Variants in ITPRIPL2 observed in about 807,000 individuals in gnomAD.
The protein encoded by ITPRIPL2 is inositol 1,4,5-trisphosphate receptor-interacting protein-like 2.
Under a neutral mutation model 31.7 loss-of-function variants are expected in ITPRIPL2, and 29 were observed. The ratio of observed to expected loss-of-function variants is 0.91; its 90% CI spans 0.68 to 1.25. The LOEUF (loss-of-function observed/expected upper bound fraction) is 1.25, where lower values mean the gene tolerates loss of function less well. Ranked by LOEUF, ITPRIPL2 falls within the 50% of genes most tolerant of loss-of-function variation. ITPRIPL2 has a pLI of 0.00. For missense variants in ITPRIPL2, 696 were observed against 739.1 expected, an observed-to-expected ratio of 0.94 and a Z score of 0.68; for synonymous variants, 344 against 343.4, an observed-to-expected ratio of 1.00 and a Z score of -0.02.
At position 19,114,804 on chromosome 16, in the gene ITPRIPL2, G is replaced by T; in HGVS notation, c.343G>T (p.Val115Leu). 6.2e-7 allele frequency: 1 copy of T among 1,610,234 alleles called. No individual in the cohort carries two copies. The highest frequency in any genetic ancestry group is 8.5e-7 in the Non-Finnish European group (1 of 1,178,834). The part of the protein sequence containing the change: ...YEHEVRLSPH[V>L]LGHSKAHVSR... ...GCATGAGGTGCGCCTGTCTCCGCAC[G>T]TGTTGGGCCACAGCAAGGCGCACGT... Residue 115 changes from valine (V) to leucine (L), a missense_variant, in exon 1 of 1, where the codon GTG (valine) becomes TTG (leucine). Transcript: ENST00000381440.
chr16:19,114,171 G>A lies in ITPRIPL2; in HGVS notation c.-291G>A. 1 of 348,816 alleles carries A rather than the reference G, an allele frequency of 2.9e-6. No homozygotes were observed. The highest frequency in any genetic ancestry group is 1.3e-4 in the South Asian group (1 of 7,444). The allele number at this position is 348,816 out of a possible 1,614,324, so 21.6% of individuals were successfully genotyped here. A position where few individuals can be genotyped will look rare whatever the true frequency, so the allele number is the denominator to read the frequency against. The stretch of plus-strand genomic sequence containing the variant: ...GCCAGAAGCTGGCCGACGGCGGCGC[G>A]CGGGGGCGCCGGGCGGGGAGGGCCG... On this transcript the variant is annotated 5_prime_UTR_variant, in exon 1 of 1. Transcript: ENST00000381440.
At position 19,115,243 on chromosome 16, in the gene ITPRIPL2, G is replaced by A; in HGVS notation, c.782G>A (p.Arg261His). The change falls in exon 1 of 1, where the codon CGC becomes CAC. Residue 261 changes from arginine (R) to histidine (H), a missense_variant. By Grantham distance (29) the Arg-to-His change is conservative. Coordinates refer to ENST00000381440, the MANE Select transcript of ITPRIPL2 (RefSeq NM_001034841.4). ...CGCTGGTTCCAGTCGCATCTGCAGC[G>A]CTCCTTGGCCACTGTGCGTTACAGC... ...VLRWFQSHLQ[R>H]SLATVRYSLE... 1 of 1,611,198 alleles carries A rather than the reference G, an allele frequency of 6.2e-7. No individual in the cohort carries two copies. The highest frequency in any genetic ancestry group is 8.5e-7 in the Non-Finnish European group (1 of 1,180,006).
rs753166483 is a variant in ITPRIPL2, at chr16:19,115,189, G to C, written c.728G>C (p.Arg243Pro). ...GCCTTCTGCGTGGATGTGCGCGGGC[G>C]GCGTCACCTCTCTGCTACTCTGGTG... is the stretch of plus-strand genomic sequence containing the variant. ...ADAFCVDVRGRRHLSATLVLR... is the reference protein window; with the variant it reads ...ADAFCVDVRGPRHLSATLVLR... The change falls in exon 1 of 1, where the codon CGG becomes CCG. Residue 243 changes from arginine to proline, a missense_variant. Arg to Pro is a moderately radical substitution (Grantham distance 103, BLOSUM62 -2). Coordinates refer to ENST00000381440, the MANE Select transcript of ITPRIPL2 (RefSeq NM_001034841.4). The C allele has an allele frequency of 1.1e-5, 17 of 1,607,222 alleles. No homozygotes were observed. Among genetic ancestry groups the C allele is most frequent in the Non-Finnish European group, 1.4e-5 (17 of 1,179,990 alleles).
Position 19,120,627 on chromosome 16 carries a change from T to TATATATATATA in ITPRIPL2, c.*4558_*4559insATATATATATA, listed in dbSNP as rs1567552790. On this transcript the variant is annotated 3_prime_UTR_variant, in exon 1 of 1. Coordinates refer to ENST00000381440, the MANE Select transcript of ITPRIPL2 (RefSeq NM_001034841.4). ...AATATATATATATATATATATATAT[T>TATATATATATA]TTTTTTTTTTTTTTTTAGTAGAGAT... 5.6e-4 allele frequency: 44 copies of TATATATATATA among 77,916 alleles called. No homozygotes were observed. The highest frequency in any genetic ancestry group is 2.7e-3 in the African/African-American group (44 of 16,316). The allele number at this position is 77,916 out of a possible 1,614,324, so 4.8% of individuals were successfully genotyped here. A position where few individuals can be genotyped will look rare whatever the true frequency, so the allele number is the denominator to read the frequency against.
Position 19,115,223 on chromosome 16 carries a change from G to C in ITPRIPL2, c.762G>C (p.Trp254Cys), listed in dbSNP as rs765954162. 4 of 1,610,054 alleles carry C rather than the reference G, an allele frequency of 2.5e-6. No homozygotes were observed. The highest frequency in any genetic ancestry group is 3.3e-5 in the Admixed American group (2 of 60,032). The change falls in exon 1 of 1, where the codon TGG (tryptophan) becomes TGC (cysteine). Residue 254 changes from tryptophan (W) to cysteine (C), a missense_variant. By Grantham distance (215) the Trp-to-Cys change is radical (BLOSUM62 -2). Coordinates refer to ENST00000381440, the MANE Select transcript of ITPRIPL2 (RefSeq NM_001034841.4). ...TCTCTGCTACTCTGGTGCTGCGCTG[G>C]TTCCAGTCGCATCTGCAGCGCTCCT... ...RHLSATLVLR[W>C]FQSHLQRSLA...
In ITPRIPL2 at chr16:19,116,438, G is replaced by A. The variant is rs910482030; in HGVS notation, c.*369G>A. 4 of 240,574 alleles carry A rather than the reference G, an allele frequency of 1.7e-5. No homozygotes were observed. The Admixed American group carries it at 2.3e-4, about 14-fold the overall frequency. The allele number at this position is 240,574 out of a possible 1,614,324, so 14.9% of individuals were successfully genotyped here. On this transcript the variant is annotated 3_prime_UTR_variant, in exon 1 of 1. Coordinates refer to ENST00000381440, the MANE Select transcript of ITPRIPL2 (RefSeq NM_001034841.4). The stretch of plus-strand genomic sequence containing the variant: ...TTCCTTCTGTCGGTTTTTAGACACA[G>A]ATCTCTCTGCCCAAATTAAAAAAAA...
chr16:19,119,333 A>G lies in ITPRIPL2; in HGVS notation c.*3264A>G. On this transcript the variant is annotated 3_prime_UTR_variant, in exon 1 of 1. Coordinates refer to ENST00000381440, the MANE Select transcript of ITPRIPL2 (RefSeq NM_001034841.4). Reference sequence around the variant, plus strand: ...GGTTTGGGTTAGGAAACATGTTTTTAGTGCTATTTCCAACCAGGGGTCGCA... The same window carrying G: ...GGTTTGGGTTAGGAAACATGTTTTTGGTGCTATTTCCAACCAGGGGTCGCA... The G allele has an allele frequency of 6.4e-6, 2 of 311,450 alleles. No homozygotes were observed. The highest frequency in any genetic ancestry group is 1.2e-5 in the Non-Finnish European group (2 of 161,882). The allele number at this position is 311,450 out of a possible 1,614,324, so 19.3% of individuals were successfully genotyped here. A position where few individuals can be genotyped will look rare whatever the true frequency, so the allele number is the denominator to read the frequency against.
rs1251525889 is a variant in ITPRIPL2 at position 19,114,917 on chromosome 16, C to A, written c.456C>A (p.Phe152Leu). 2 of 1,610,384 alleles carry A rather than the reference C, an allele frequency of 1.2e-6. No individual in the cohort carries two copies. Among genetic ancestry groups the A allele is most frequent in the Non-Finnish European group, 1.7e-6 (2 of 1,179,684 alleles). Residue 152 changes from phenylalanine to leucine, a missense_variant, in exon 1 of 1, where the codon TTC (phenylalanine) becomes TTA (leucine). Phe to Leu is a conservative substitution (Grantham distance 22). Transcript: ENST00000381440. ...CTGGGGGAGCGCTGGCCTTGGCCTT[C>A]CGCGGAGACTTCATCCAGGTGGGCA... ...LIPGGALALA[F>L]RGDFIQVGSA...
In ITPRIPL2 at chr16:19,119,056, G is replaced by A; in HGVS notation, c.*2987G>A. Reference sequence around the variant, plus strand: ...GCCAGTGCTGGAGGAAAATGTTTCTGGGGAAGATGACTCAGTCATTTTGTG... The same window carrying A: ...GCCAGTGCTGGAGGAAAATGTTTCTAGGGAAGATGACTCAGTCATTTTGTG... On this transcript the variant is annotated 3_prime_UTR_variant, in exon 1 of 1. Coordinates refer to ENST00000381440, the MANE Select transcript of ITPRIPL2 (RefSeq NM_001034841.4). 1 of 413,492 alleles carries A rather than the reference G, an allele frequency of 2.4e-6. No individual in the cohort carries two copies. The allele number at this position is 413,492 out of a possible 1,614,324, so 25.6% of individuals were successfully genotyped here. A position where few individuals can be genotyped will look rare whatever the true frequency, so the allele number is the denominator to read the frequency against.
In ITPRIPL2 at chr16:19,115,425, G is replaced by A; in HGVS notation, c.964G>A (p.Val322Met). 6.2e-7 allele frequency: 1 copy of A among 1,611,136 alleles called. No homozygotes were observed. Among genetic ancestry groups the A allele is most frequent in the Non-Finnish European group, 8.5e-7 (1 of 1,179,984 alleles). ...AVHLGDGVFL[V>M]APPPPPLPSA... is the part of the protein sequence containing the mutation. Reference sequence around the variant, plus strand: ...CCATCTGGGAGATGGGGTCTTCCTTGTGGCGCCACCACCGCCACCCTTGCC... The same window carrying A: ...CCATCTGGGAGATGGGGTCTTCCTTATGGCGCCACCACCGCCACCCTTGCC... The change falls in exon 1 of 1, where the codon GTG (valine) becomes ATG (methionine). Residue 322 changes from valine to methionine, a missense_variant. Coordinates refer to ENST00000381440, the MANE Select transcript of ITPRIPL2 (RefSeq NM_001034841.4).
chr16:19,116,634 A>AT lies in ITPRIPL2; in HGVS notation c.*570dup, dbSNP rs1490694395. 2.4e-5 allele frequency: 4 copies of AT among 167,188 alleles called. No homozygotes were observed. The highest frequency in any genetic ancestry group is 1.3e-4 in the Admixed American group (2 of 15,290). 10.4% of individuals were successfully genotyped at this position (167,188 alleles called of 1,614,324 possible). ...CCACTGTTCAAATTAATATTAATGT[A>AT]TTTTTAAAATGGTGCAATCACAGGT... On this transcript the variant is annotated 3_prime_UTR_variant, in exon 1 of 1. Transcript: ENST00000381440.
rs1317629634 is a variant in ITPRIPL2, at chr16:19,116,884, A to G, written c.*815A>G. 2 of 167,120 alleles carry G rather than the reference A, an allele frequency of 1.2e-5. No individual in the cohort carries two copies. The highest frequency in any genetic ancestry group is 2.4e-5 in the African/African-American group (1 of 41,452). 10.4% of individuals were successfully genotyped at this position (167,120 alleles called of 1,614,324 possible). On this transcript the variant is annotated 3_prime_UTR_variant, in exon 1 of 1. Transcript: ENST00000381440. ...ATGCTTGCCTAACTAACATCGCCGC[A>G]GGCCACAAGCTGGGATATGTACCTG...
rs1963473485 is a variant in ITPRIPL2 at position 19,118,487 on chromosome 16, A to T, written c.*2418A>T. 1 of 157,554 alleles carries T rather than the reference A, an allele frequency of 6.3e-6. No individual in the cohort carries two copies. The highest frequency in any genetic ancestry group is 2.5e-5 in the African/African-American group (1 of 39,766). 9.8% of individuals were successfully genotyped at this position (157,554 alleles called of 1,614,324 possible). A position where few individuals can be genotyped will look rare whatever the true frequency, so the allele number is the denominator to read the frequency against. On this transcript the variant is annotated 3_prime_UTR_variant, in exon 1 of 1. Transcript: ENST00000381440. ...CTCAAAAAAAAAAAAAAAAAGCTTT[A>T]AAAAGCTGAATTTTAGAAATATTTC...
Position 19,115,127 on chromosome 16 carries a change from G to A in ITPRIPL2, c.666G>A (p.Gly222=). 2 of 1,602,362 alleles carry A rather than the reference G, an allele frequency of 1.2e-6. No individual in the cohort carries two copies. The highest frequency in any genetic ancestry group is 1.7e-6 in the Non-Finnish European group (2 of 1,179,924). Residue 222 remains glycine (G), a synonymous_variant, in exon 1 of 1, where the codon GGG becomes GGA. Transcript: ENST00000381440. ...CACCCTCACCATCGGGGGCCTCGGG[G>A]GGCCACTGGCTTCGGGACTGCAAAC... is the stretch of plus-strand genomic sequence containing the variant. ...KAPPSPSGAS[G]GHWLRDCKPF... is the part of the protein sequence containing the mutation.
chr16:19,115,255 C>A lies in ITPRIPL2; in HGVS notation c.794C>A (p.Thr265Asn). Reference protein sequence around the residue: ...FQSHLQRSLATVRYSLEGRCR... With the variant: ...FQSHLQRSLANVRYSLEGRCR... ...TCGCATCTGCAGCGCTCCTTGGCCA[C>A]TGTGCGTTACAGCCTGGAGGGGCGC... Residue 265 changes from threonine to asparagine, a missense_variant, in exon 1 of 1, where the codon ACT (threonine) becomes AAT (asparagine). Transcript: ENST00000381440. The A allele has an allele frequency of 1.2e-6, 2 of 1,612,030 alleles. No homozygotes were observed. The highest frequency in any genetic ancestry group is 1.7e-6 in the Non-Finnish European group (2 of 1,180,018).
rs1235582231 is a variant in ITPRIPL2, at chr16:19,119,734, A to G, written c.*3665A>G. On this transcript the variant is annotated 3_prime_UTR_variant, in exon 1 of 1. Coordinates refer to ENST00000381440, the MANE Select transcript of ITPRIPL2 (RefSeq NM_001034841.4). ...TAAGCTTTATTGTAGAAGAAAAAAA[A>G]AAAAGTTAACACAGCCATAGATAAC... is the stretch of plus-strand genomic sequence containing the variant. 1 of 166,952 alleles carries G rather than the reference A, an allele frequency of 6.0e-6. No individual in the cohort carries two copies. The highest frequency in any genetic ancestry group is 1.5e-5 in the Non-Finnish European group (1 of 68,106). 10.3% of individuals were successfully genotyped at this position (166,952 alleles called of 1,614,324 possible).
At position 19,116,123 on chromosome 16, in the gene ITPRIPL2, TG is replaced by T; in HGVS notation, c.*59del. The stretch of plus-strand genomic sequence containing the variant: ...TGCTCCTAAAGCCTTTCCCACTGGG[TG>T]GGGGTGGGAATGGCGGTGAAGCCAG... On this transcript the variant is annotated 3_prime_UTR_variant, in exon 1 of 1. Coordinates refer to ENST00000381440, the MANE Select transcript of ITPRIPL2 (RefSeq NM_001034841.4). The T allele has an allele frequency of 1.3e-6, 2 of 1,488,290 alleles. No homozygotes were observed. The highest frequency in any genetic ancestry group is 1.3e-5 in the South Asian group (1 of 74,596). 92.2% of individuals were successfully genotyped at this position (1,488,290 alleles called of 1,614,324 possible). A position where few individuals can be genotyped will look rare whatever the true frequency, so the allele number is the denominator to read the frequency against.
rs1567552790 is a variant in ITPRIPL2, at chr16:19,120,627, T to TATATATATA, written c.*4558_*4559insATATATATA. 8 of 77,942 alleles carry TATATATATA rather than the reference T, an allele frequency of 1.0e-4. No individual in the cohort carries two copies. The highest frequency in any genetic ancestry group is 3.1e-4 in the African/African-American group (5 of 16,344). 4.8% of individuals were successfully genotyped at this position (77,942 alleles called of 1,614,324 possible). On this transcript the variant is annotated 3_prime_UTR_variant, in exon 1 of 1. Transcript: ENST00000381440. ...AATATATATATATATATATATATAT[T>TATATATATA]TTTTTTTTTTTTTTTTAGTAGAGAT... is the stretch of plus-strand genomic sequence containing the variant.
Position 19,115,206 on chromosome 16 carries a change from A to T in ITPRIPL2, c.745A>T (p.Thr249Ser), listed in dbSNP as rs768695816. The stretch of plus-strand genomic sequence containing the variant: ...GCGCGGGCGGCGTCACCTCTCTGCT[A>T]CTCTGGTGCTGCGCTGGTTCCAGTC... ...DVRGRRHLSA[T>S]LVLRWFQSHL... Residue 249 changes from threonine to serine, a missense_variant, in exon 1 of 1, where the codon ACT becomes TCT. Transcript: ENST00000381440. The T allele has an allele frequency of 1.9e-6, 3 of 1,608,700 alleles. No homozygotes were observed. In the South Asian group the frequency reaches 3.3e-5, roughly 18 times the overall value.
Sources: allele counts gnomAD v4.1 joint callset, GRCh38; gene constraint gnomAD v4.1.1; transcripts MANE v1.5; gene names NCBI Gene and HGNC (gene_info 2026-07-23, HGNC 2026-07-21).